The following MANBA variants were observed in gnomAD, a reference collection of about 807,000 sequenced individuals.
MANBA encodes the protein beta-mannosidase.
A neutral mutation model predicts 111.1 loss-of-function variants in MANBA; 83 were observed. The observed-to-expected ratio is 0.75, with a 90% confidence interval of 0.63 to 0.90. The LOEUF (loss-of-function observed/expected upper bound fraction) is 0.90. MANBA is among the 40% of genes least tolerant of loss of function. MANBA has a pLI of 0.00. For synonymous variants in MANBA, 370 were observed against 378.7 expected (o/e 0.98, Z 0.27); for missense variants, 1,036 against 1,069.0 (o/e 0.97, Z 0.43).
At chr4:102,661,790 C>T (rs1730968333) in intron 11 of MANBA, among the ~76,000 whole-genome samples, 1 of 152,186 alleles carries the variant, frequency 6.6e-6, no homozygotes, top group African/African-American at 2.4e-5. Flanking sequence ...CTTTCTAAGC[C>T]ATGACCTTAA....
At position 102,719,184 on chromosome 4, in the gene MANBA, G is replaced by A. The variant is rs114483057; in HGVS notation, c.549+3687C>T. Among the ~76,000 whole-genome samples, 688 of 152,250 alleles carry A rather than the reference G, an allele frequency of 4.5e-3. 8 individuals are homozygous for A. Among genetic ancestry groups the A allele is most frequent in the African/African-American group, 0.016 (660 of 41,532 alleles). ...TAAGACAGACACTCCCAGGGTGGCC[G>A]TCTACAGACCTACCCCCAGGAATGC... On this transcript the variant is annotated intron_variant, in intron 4 of 16. Coordinates refer to ENST00000647097, the MANE Select transcript of MANBA (RefSeq NM_005908.4).
intron 11 of MANBA, among the ~76,000 whole-genome samples, chr4:102,660,305 A>G (rs2110212301): frequency 6.6e-6 from 1 of 152,050 alleles, no homozygotes; most frequent in East Asian, 1.9e-4. Context: ...CCAATCCCAC[A>G]CCACTGGACT....
rs548536882 is a variant in MANBA at position 102,702,374 on chromosome 4, G to A, written c.674-11603C>T. Among the ~76,000 whole-genome samples, 28 of 152,186 alleles carry A rather than the reference G, an allele frequency of 1.8e-4. No individual in the cohort carries two copies. The Middle Eastern group carries it at 0.014, about 74-fold the overall frequency. On this transcript the variant is annotated intron_variant, in intron 5 of 16. Coordinates refer to ENST00000647097, the MANE Select transcript of MANBA (RefSeq NM_005908.4). ...TCTCAACTTGTCAAAGTCATTCTCC[G>A]TCCAGCTTTGTTCCATTACTGGTGA...
At chr4:102,674,353 A>G (rs1731629026) in intron 7 of MANBA, among the ~76,000 whole-genome samples, 1 of 152,222 alleles carries the variant, frequency 6.6e-6, no homozygotes, top group African/African-American at 2.4e-5. Context: ...ATCAAAAAAG[A>G]CAATTTGAAG....
At chr4:102,643,285 C>T (rs1729961087) in intron 13 of MANBA, among the ~76,000 whole-genome samples, 1 of 152,150 alleles carries the variant, frequency 6.6e-6, no homozygotes, top group Non-Finnish European at 1.5e-5. Flanking sequence ...CTACATTTTG[C>T]TTGTCTATTC....
In MANBA at chr4:102,760,955, C is replaced by T; in HGVS notation, c.-61G>A. ...GAAAGGCAGCGCTGCAAGGGACCGG[C>T]GGTGAAGCCACTCACCCCCTCGGAA... On this transcript the variant is annotated 5_prime_UTR_variant, in exon 1 of 17. Coordinates refer to ENST00000647097, the MANE Select transcript of MANBA (RefSeq NM_005908.4). 1 of 1,476,616 alleles carries T rather than the reference C, an allele frequency of 6.8e-7. No individual in the cohort carries two copies. The allele number at this position is 1,476,616 out of a possible 1,614,324, so 91.5% of individuals were successfully genotyped here.
chr4:102,731,138 C>T (rs7669146), intron 1 of MANBA, among the ~76,000 whole-genome samples: 8 of 151,474 alleles, frequency 5.3e-5, no homozygotes, highest in East Asian at 1.9e-4. Flanking sequence ...TCTTGATTGA[C>T]GCAAGTGGCA....
At chr4:102,661,953 G>T (rs985039929) in intron 11 of MANBA, among the ~76,000 whole-genome samples, 2 of 152,142 alleles carry the variant, frequency 1.3e-5, no homozygotes, top group African/African-American at 2.4e-5. Context: ...TACTTTGATG[G>T]AAACTAAAAG....
rs546410850 is a variant in MANBA, at chr4:102,732,666, T to G, written c.178-5983A>C. ...ACCAAACTGGCTTTTAAGGTCTGGT[T>G]AATGGTAAGGTTTTGTTCTGTTAAA... On this transcript the variant is annotated intron_variant, in intron 1 of 16. Transcript: ENST00000647097. Among the ~76,000 whole-genome samples the G allele has an allele frequency of 8.5e-5, 13 of 152,350 alleles. No homozygotes were observed. In the East Asian group the frequency reaches 2.1e-3, roughly 25 times the overall value.
At chr4:102,733,865 C>G (rs1164723713) in intron 1 of MANBA, among the ~76,000 whole-genome samples, 1 of 152,160 alleles carries the variant, frequency 6.6e-6, no homozygotes, top group Non-Finnish European at 1.5e-5. Context: ...TGATCTTTAA[C>G]TACATTTGTT....
intron 1 of MANBA, among the ~76,000 whole-genome samples, chr4:102,738,853 A>G (rs993577212): frequency 6.6e-6 from 1 of 152,248 alleles, no homozygotes; most frequent in Admixed American, 6.5e-5. Flanking sequence ...AATTTAAAAA[A>G]CAATAAAGGA....
chr4:102,650,452 T>G, intron 13 of MANBA, 85 bp downstream of exon 13: 2 of 1,359,896 alleles, frequency 1.5e-6, no homozygotes, highest in Non-Finnish European at 2.1e-6. Flanking sequence ...CTGAATATTT[T>G]TCACCATATA....
intron 1 of MANBA, among the ~76,000 whole-genome samples, chr4:102,741,311 G>A (rs1723394391): frequency 6.6e-6 from 1 of 152,078 alleles, no homozygotes; most frequent in Admixed American, 6.5e-5. Context: ...GCATGGATAT[G>A]GTGAAAAAGG....
At chr4:102,649,690 C>T (rs532157575) in intron 13 of MANBA, among the ~76,000 whole-genome samples, 1 of 152,104 alleles carries the variant, frequency 6.6e-6, no homozygotes, top group South Asian at 2.1e-4. Context: ...TTGTGGCTTG[C>T]CTTTTCTCTC....
chr4:102,719,376 G>T (rs1018999379), intron 4 of MANBA, among the ~76,000 whole-genome samples: 2 of 152,048 alleles, frequency 1.3e-5, no homozygotes, highest in Non-Finnish European at 2.9e-5. Context: ...CCTGAAAATC[G>T]CCGTTATTCT....
intron 1 of MANBA, chr4:102,729,346 G>A (rs56102357): frequency 1.3e-6 from 1 of 759,204 alleles, no homozygotes; most frequent in Non-Finnish European, 2.4e-6. Flanking sequence ...CTCAGCCTTG[G>A]CCTGGCTGCA....
At chr4:102,732,274 C>A (rs1475460245) in intron 1 of MANBA, among the ~76,000 whole-genome samples, 1 of 152,176 alleles carries the variant, frequency 6.6e-6, no homozygotes, top group South Asian at 2.1e-4. Context: ...AAGTGGCAAA[C>A]AAATCTTTTC....
At chr4:102,642,335 C>T (rs978525366) in intron 13 of MANBA, among the ~76,000 whole-genome samples, 1 of 152,170 alleles carries the variant, frequency 6.6e-6, no homozygotes, top group African/African-American at 2.4e-5. Flanking sequence ...TGGCTGGGCG[C>T]GATAGCTCAT....
intron 1 of MANBA, among the ~76,000 whole-genome samples, chr4:102,750,216 G>A (rs1368365847): frequency 1.3e-5 from 2 of 151,656 alleles, no homozygotes; most frequent in East Asian, 1.9e-4. Context: ...ACTTTTAGAA[G>A]AAGACATACA....
Sources: allele counts gnomAD v4.1 joint callset (sites outside exome capture counted in the v4.1 genomes callset), GRCh38; gene constraint gnomAD v4.1.1; transcripts MANE v1.5; gene names NCBI Gene and HGNC (gene_info 2026-07-23, HGNC 2026-07-21).